Variants in COL19A1 observed in about 807,000 individuals in gnomAD.
The protein encoded by COL19A1 is collagen alpha-1(XIX) chain.
COL19A1 carries 159 observed loss-of-function variants against 190.2 expected under a neutral mutation model. The observed-to-expected ratio is 0.84, with a 90% CI of 0.73 to 0.95. The LOEUF (loss-of-function observed/expected upper bound fraction) is 0.95, where lower values mean the gene tolerates loss of function less well. COL19A1 is among the 40% of genes least tolerant of loss of function. COL19A1 has a pLI of 0.00. For synonymous variants in COL19A1, 509 were observed against 458.9 expected (o/e 1.11, Z -1.39); for missense variants, 1,418 against 1,431.9 (o/e 0.99, Z 0.16).
intron 1 of COL19A1, among the ~76,000 whole-genome samples, chr6:69,874,256 C>T (rs1210811337): frequency 6.6e-6 from 1 of 152,200 alleles, no homozygotes; most frequent in Non-Finnish European, 1.5e-5. Flanking sequence ...GCAAACTTTG[C>T]CCTTGTCAGT....
At chr6:70,170,009 T>C (rs1395006279) in intron 40 of COL19A1, among the ~76,000 whole-genome samples, 2 of 152,160 alleles carry the variant, frequency 1.3e-5, no homozygotes, top group Non-Finnish European at 2.9e-5. Flanking sequence ...GTAGACCTAT[T>C]TGAGTAGAAT....
intron 40 of COL19A1, among the ~76,000 whole-genome samples, chr6:70,170,867 T>G (rs2150272555): frequency 6.6e-6 from 1 of 152,324 alleles, no homozygotes; most frequent in Admixed American, 6.5e-5. Flanking sequence ...TGAAGCAGAT[T>G]GGAATTATGT....
chr6:70,194,515 C>T (rs540636723), intron 48 of COL19A1, among the ~76,000 whole-genome samples: 7 of 152,226 alleles, frequency 4.6e-5, no homozygotes, highest in African/African-American at 1.2e-4. Flanking sequence ...CTCTGAAGTT[C>T]AATTAAATTC....
intron 16 of COL19A1, among the ~76,000 whole-genome samples, chr6:70,115,109 C>T (rs1784488602): frequency 6.6e-6 from 1 of 152,200 alleles, no homozygotes; most frequent in Admixed American, 6.5e-5. Flanking sequence ...GAGATGCAGT[C>T]TGCAGAGTCC....
At chr6:70,115,178 C>T (rs986670431) in intron 16 of COL19A1, among the ~76,000 whole-genome samples, 1 of 152,166 alleles carries the variant, frequency 6.6e-6, no homozygotes, top group African/African-American at 2.4e-5. Context: ...CAAGGGCCAT[C>T]CCTTTATTCT....
chr6:69,902,560 A>T (rs1770257544), intron 4 of COL19A1, among the ~76,000 whole-genome samples: 1 of 152,200 alleles, frequency 6.6e-6, no homozygotes, highest in African/African-American at 2.4e-5. Context: ...GGCAAAATAC[A>T]AGTCACCTTT....
At chr6:70,083,382 A>C (rs185801928) in intron 15 of COL19A1, among the ~76,000 whole-genome samples, 1 of 152,122 alleles carries the variant, frequency 6.6e-6, no homozygotes, top group East Asian at 1.9e-4. Context: ...TTAAGGCATA[A>C]TTTTTTGTTT....
chr6:70,172,073 G>A (rs1262493496), intron 41 of COL19A1, 56 bp downstream of exon 41: 2 of 1,554,364 alleles, frequency 1.3e-6, no homozygotes, highest in East Asian at 4.5e-5. Flanking sequence ...ATTGTTTACT[G>A]AGCACCTAAT....
At chr6:70,052,826 G>A (rs1202808266) in intron 14 of COL19A1, among the ~76,000 whole-genome samples, 1 of 152,120 alleles carries the variant, frequency 6.6e-6, no homozygotes, top group Non-Finnish European at 1.5e-5. Context: ...GATAGAGTTT[G>A]GGGGTCAGAC....
rs560574911 is a variant in COL19A1 at position 69,951,827 on chromosome 6, A to T, written c.937-8169A>T. Among the ~76,000 whole-genome samples the T allele has an allele frequency of 1.5e-3, 235 of 152,006 alleles. 1 individual carries two copies. The highest frequency in any genetic ancestry group is 6.0e-3 in the South Asian group (29 of 4,826). ...TAGAGAGAGAGAGGGAAAAAAAATT[A>T]AAAACTTCCCCTAACTTGGTACGGA... On this transcript the variant is annotated intron_variant, in intron 9 of 50. Coordinates refer to ENST00000620364, the MANE Select transcript of COL19A1 (RefSeq NM_001858.6).
Position 70,018,791 on chromosome 6 carries a change from A to C in COL19A1, c.1027-4836A>C, listed in dbSNP as rs376780080. ...AGTCCTACTGGAAATCCTCTGAGGA[A>C]GCCTGTAGAATGTGCCTGGAAATTA... On this transcript the variant is annotated intron_variant, in intron 11 of 50. Coordinates refer to ENST00000620364, the MANE Select transcript of COL19A1 (RefSeq NM_001858.6). 3.5e-4 allele frequency among the ~76,000 whole-genome samples: 54 copies of C among 152,276 alleles called. No homozygotes were observed. In the East Asian group the frequency reaches 7.1e-3, roughly 20 times the overall value.
At chr6:69,968,549 G>T (rs987101505) in intron 11 of COL19A1, among the ~76,000 whole-genome samples, 1 of 151,968 alleles carries the variant, frequency 6.6e-6, no homozygotes, top group Non-Finnish European at 1.5e-5. Context: ...CTAAAATATT[G>T]ACTTCTAGCA....
intron 11 of COL19A1, among the ~76,000 whole-genome samples, chr6:69,974,409 C>T (rs1775595135): frequency 6.6e-6 from 1 of 152,180 alleles, no homozygotes; most frequent in Non-Finnish European, 1.5e-5. Context: ...ATTCCAGGAA[C>T]TCACTGATAG....
At chr6:69,871,975 C>A (rs574709440) in intron 1 of COL19A1, among the ~76,000 whole-genome samples, 42 of 152,102 alleles carry the variant, frequency 2.8e-4, no homozygotes, top group Non-Finnish European at 5.6e-4. Flanking sequence ...TGTCACCACA[C>A]CTGGCTAATT....
chr6:70,109,981 G>A (rs1784193556), intron 16 of COL19A1, among the ~76,000 whole-genome samples: 1 of 152,120 alleles, frequency 6.6e-6, no homozygotes, highest in African/African-American at 2.4e-5. Context: ...CTTATCCATC[G>A]CTGTTCTCAA....
At chr6:69,871,803 TC>T in intron 1 of COL19A1, among the ~76,000 whole-genome samples, 1 of 138,332 alleles carries the variant, frequency 7.2e-6, no homozygotes, top group African/African-American at 2.7e-5. Context: ...ATTTAGCAAG[TC>T]CACCATTTTT....
At chr6:69,924,656 G>A (rs1023073798) in intron 4 of COL19A1, among the ~76,000 whole-genome samples, 10 of 152,118 alleles carry the variant, frequency 6.6e-5, no homozygotes, top group South Asian at 6.2e-4. Context: ...CTGAGGAATC[G>A]CCACACTCTC....
chr6:69,926,989 AG>A (rs1772442054), intron 4 of COL19A1, among the ~76,000 whole-genome samples: 1 of 152,176 alleles, frequency 6.6e-6, no homozygotes, highest in Non-Finnish European at 1.5e-5. Context: ...TGAAGGAAAA[AG>A]ACTGTAAATC....
At chr6:70,076,599 T>C (rs933124881) in intron 15 of COL19A1, among the ~76,000 whole-genome samples, 5 of 152,170 alleles carry the variant, frequency 3.3e-5, no homozygotes, top group African/African-American at 1.2e-4. Flanking sequence ...GCTCTTTTTT[T>C]CTCAGGAGAG....
Sources: allele counts gnomAD v4.1 joint callset (sites outside exome capture counted in the v4.1 genomes callset), GRCh38; gene constraint gnomAD v4.1.1; transcripts MANE v1.5; gene names NCBI Gene and HGNC (gene_info 2026-07-23, HGNC 2026-07-21).